The following SDCCAG8 variants were observed in gnomAD, a reference collection of about 807,000 sequenced individuals.
SDCCAG8 encodes the protein serologically defined colon cancer antigen 8.
SDCCAG8 carries 74 observed loss-of-function variants against 101.8 expected under a neutral mutation model. The ratio of observed to expected loss-of-function variants is 0.73; its 90% CI spans 0.60 to 0.88. The LOEUF is 0.88. SDCCAG8 is among the 40% of genes least tolerant of loss of function. The pLI is 0.00. For synonymous variants in SDCCAG8, 281 were observed against 292.9 expected (o/e 0.96, Z 0.41); for missense variants, 787 against 822.6 (o/e 0.96, Z 0.53).
Position 243,270,107 on chromosome 1 carries a change from C to A in SDCCAG8, c.70C>A (p.His24Asn). Residue 24 changes from histidine to asparagine, a missense_variant and splice_region_variant, in exon 2 of 18, where the codon CAT (histidine) becomes AAT (asparagine). By Grantham distance (68) the His-to-Asn change is moderately conservative. Coordinates refer to ENST00000366541, the MANE Select transcript of SDCCAG8 (RefSeq NM_006642.5). The stretch of plus-strand genomic sequence containing the variant: ...CTTTCGTCAGGTTGTTCTTGCAGAA[C>A]ATGCCAGCAGAAGCATTCACCAACT... ...LGQYQRSLREHASRSIHQLTC... is the reference protein window; with the variant it reads ...LGQYQRSLRENASRSIHQLTC... 6.2e-7 allele frequency: 1 copy of A among 1,614,188 alleles called. No individual in the cohort carries two copies. Among genetic ancestry groups the A allele is most frequent in the Non-Finnish European group, 8.5e-7 (1 of 1,180,030 alleles).
intron 16 of SDCCAG8, among the ~76,000 whole-genome samples, chr1:243,439,934 C>T (rs114786564): frequency 1.6e-4 from 25 of 152,360 alleles, no homozygotes; most frequent in African/African-American, 6.0e-4. Context: ...AGGGGCCTTT[C>T]AGGCTAATGT....
chr1:243,335,937 A>T (rs1056896274), intron 10 of SDCCAG8, among the ~76,000 whole-genome samples: 2 of 152,082 alleles, frequency 1.3e-5, no homozygotes, highest in African/African-American at 4.8e-5. Flanking sequence ...TACGGCCTCC[A>T]CTTGCGTCCA....
rs541638082 is a variant in SDCCAG8, at chr1:243,476,080, G to A, written c.1986-12934G>A. On this transcript the variant is annotated intron_variant, in intron 16 of 17. Transcript: ENST00000366541. Reference sequence around the variant, plus strand: ...TCATATTATCCCAACACTCATCAGTGTGTGGAGGACCCCCTTTTACTGAAT... The same window carrying A: ...TCATATTATCCCAACACTCATCAGTATGTGGAGGACCCCCTTTTACTGAAT... 1.9e-5 allele frequency: 19 copies of A among 985,442 alleles called. No homozygotes were observed. The East Asian group carries it at 1.7e-3, about 88-fold the overall frequency. 61.0% of individuals were successfully genotyped at this position (985,442 alleles called of 1,614,324 possible).
Position 243,271,136 on chromosome 1 carries a change from T to C in SDCCAG8, c.306+73T>C, listed in dbSNP as rs1168629212. 2.0e-5 allele frequency: 22 copies of C among 1,097,366 alleles called. No individual in the cohort carries two copies. In the Admixed American group the frequency reaches 3.1e-4, roughly 16 times the overall value. 68.0% of individuals were successfully genotyped at this position (1,097,366 alleles called of 1,614,324 possible). A position where few individuals can be genotyped will look rare whatever the true frequency, so the allele number is the denominator to read the frequency against. On this transcript the variant is annotated intron_variant, in intron 3 of 17. Transcript: ENST00000366541. ...GTATTGTGTTATTTTGTAGTACATG[T>C]TGCAGAAAAAATTTAAGCATGGCAT...
At chr1:243,384,561 C>T (rs1369024242) in intron 13 of SDCCAG8, among the ~76,000 whole-genome samples, 2 of 150,418 alleles carry the variant, frequency 1.3e-5, no homozygotes, top group African/African-American at 4.9e-5. Context: ...GTGCACCAGG[C>T]CTCTCACTTA....
At position 243,499,926 on chromosome 1, in the gene SDCCAG8, G is replaced by A. The variant is rs369944084; in HGVS notation, c.*141G>A. 41 of 771,692 alleles carry A rather than the reference G, an allele frequency of 5.3e-5. No individual in the cohort carries two copies. The highest frequency in any genetic ancestry group is 2.2e-4 in the African/African-American group (13 of 58,378). 47.8% of individuals were successfully genotyped at this position (771,692 alleles called of 1,614,324 possible). ...TGCAGTGGGGCTGGTCCTCATCAACGCGGGCGCTGTCCCCGCACGCAGTCG... is the reference window on the plus strand; with the variant it reads ...TGCAGTGGGGCTGGTCCTCATCAACACGGGCGCTGTCCCCGCACGCAGTCG... On this transcript the variant is annotated 3_prime_UTR_variant, in exon 18 of 18. Transcript: ENST00000366541.
At chr1:243,370,193 T>C (rs2077207123) in intron 12 of SDCCAG8, among the ~76,000 whole-genome samples, 1 of 150,162 alleles carries the variant, frequency 6.7e-6, no homozygotes, top group Non-Finnish European at 1.5e-5. Context: ...AAAGTCAAGA[T>C]CTCTATCTAT....
At chr1:243,473,746 A>G (rs2148198531) in intron 16 of SDCCAG8, among the ~76,000 whole-genome samples, 1 of 152,292 alleles carries the variant, frequency 6.6e-6, no homozygotes, top group South Asian at 2.1e-4. Context: ...AGTAGGGCTC[A>G]GAAGTGAAAC....
At chr1:243,332,768 C>A (rs1320347729) in intron 10 of SDCCAG8, among the ~76,000 whole-genome samples, 1 of 151,256 alleles carries the variant, frequency 6.6e-6, no homozygotes, top group Non-Finnish European at 1.5e-5. Context: ...TGGTCCGGGT[C>A]TGGAGGTGAT....
intron 6 of SDCCAG8, among the ~76,000 whole-genome samples, chr1:243,294,482 G>GGGGGAGAGAGAGAGAGAAAGAGC (rs1259035129): frequency 5.0e-5 from 5 of 99,978 alleles, no homozygotes; most frequent in Non-Finnish European, 7.9e-5. Flanking sequence ...GTGGGGGGGG[G>GGGGGAGAGAGAGAGAGAAAGAGC]GAGAGAGAGA....
At chr1:243,477,556 G>T (rs1662683120) in intron 16 of SDCCAG8, among the ~76,000 whole-genome samples, 2 of 152,210 alleles carry the variant, frequency 1.3e-5, no homozygotes, top group Non-Finnish European at 2.9e-5. Context: ...TTTTAAGAAG[G>T]TTACAAGGTA....
intron 16 of SDCCAG8, among the ~76,000 whole-genome samples, chr1:243,442,623 A>C (rs930416711): frequency 2.3e-4 from 35 of 152,184 alleles, no homozygotes; most frequent in African/African-American, 7.7e-4. Context: ...TAAAAAAAAA[A>C]AAGTATAGCC....
chr1:243,480,180 G>A (rs958451402), intron 16 of SDCCAG8, among the ~76,000 whole-genome samples: 3 of 150,524 alleles, frequency 2.0e-5, no homozygotes, highest in African/African-American at 7.4e-5. Flanking sequence ...CGGGGAGTAT[G>A]GATTCCAGGG....
At chr1:243,496,102 T>C (rs1283505631) in intron 17 of SDCCAG8, among the ~76,000 whole-genome samples, 1 of 152,218 alleles carries the variant, frequency 6.6e-6, no homozygotes, top group African/African-American at 2.4e-5. Context: ...AGTGCTGAGA[T>C]CATTGTGGGC....
chr1:243,284,571 G>C (rs1179399833), intron 4 of SDCCAG8, among the ~76,000 whole-genome samples: 1 of 152,154 alleles, frequency 6.6e-6, no homozygotes, highest in Admixed American at 6.5e-5. Flanking sequence ...AGTTAGACGA[G>C]ATAGCTAGAG....
intron 12 of SDCCAG8, among the ~76,000 whole-genome samples, chr1:243,355,436 A>AGT (rs1256513360): frequency 2.6e-5 from 4 of 152,168 alleles, no homozygotes; most frequent in African/African-American, 9.7e-5. Context: ...TTCCCATTAA[A>AGT]GTGCGAGGGG....
At chr1:243,294,598 G>T (rs1006338190) in intron 6 of SDCCAG8, among the ~76,000 whole-genome samples, 1 of 147,168 alleles carries the variant, frequency 6.8e-6, no homozygotes, top group Non-Finnish European at 1.5e-5. Context: ...AACCAGGCTT[G>T]CTCTGAGCCT....
At chr1:243,469,876 A>G (rs1320417848) in intron 16 of SDCCAG8, among the ~76,000 whole-genome samples, 1 of 132,026 alleles carries the variant, frequency 7.6e-6, no homozygotes, top group Non-Finnish European at 1.5e-5. Context: ...CAGTCTCCTC[A>G]TCTATTAAAC....
At chr1:243,460,697 T>C (rs1658901126) in intron 16 of SDCCAG8, among the ~76,000 whole-genome samples, 1 of 152,232 alleles carries the variant, frequency 6.6e-6, no homozygotes, top group African/African-American at 2.4e-5. Flanking sequence ...GAGATGGGCA[T>C]TGACTTAACT....
Sources: gnomAD v4.1 joint callset for allele counts (sites outside exome capture counted in the v4.1 genomes callset) on GRCh38, gnomAD v4.1.1 for gene constraint, MANE v1.5 for transcripts, NCBI Gene and HGNC (gene_info 2026-07-23, HGNC 2026-07-21) for gene names.